Variants in MYT1 observed in about 807,000 individuals in gnomAD.
The protein encoded by MYT1 is myelin transcription factor I.
Under a neutral mutation model 123.0 loss-of-function variants are expected in MYT1, and 23 were observed. That is an observed-to-expected ratio of 0.19 (90% CI 0.13 to 0.26). The LOEUF (loss-of-function observed/expected upper bound fraction) is 0.26, where lower values mean the gene tolerates loss of function less well. Among genes scored for constraint, MYT1 ranks in the 10% least tolerant of loss-of-function variants. The pLI is 1.00. For synonymous variants in MYT1, 518 were observed against 575.3 expected, an observed-to-expected ratio of 0.90 and a Z score of 1.43; for missense variants, 1,125 against 1,472.5, an observed-to-expected ratio of 0.76 and a Z score of 3.86.
chr20:64,232,049 A>G lies in MYT1; in HGVS notation c.2676-115A>G. ...CTCAGCGGCCCTCCCTGCCTCACTC[A>G]GAAGCCCTTTAACGGCTCTGAGTTG... On this transcript the variant is annotated intron_variant, in intron 18 of 22. Coordinates refer to ENST00000328439, the MANE Select transcript of MYT1 (RefSeq NM_004535.3). This position sits in a 1 kb window ranked among gnomAD's most constrained non-coding sequence, Gnocchi z 6.9. 8 of 1,047,502 alleles carry G rather than the reference A, an allele frequency of 7.6e-6. No homozygotes were observed. Among genetic ancestry groups the G allele is most frequent in the Non-Finnish European group, 1.1e-5 (8 of 712,402 alleles). 64.9% of individuals were successfully genotyped at this position (1,047,502 alleles called of 1,614,324 possible).
At chr20:64,180,259 T>C (rs1982613546) in intron 1 of MYT1, among the ~76,000 whole-genome samples, 2 of 152,342 alleles carry the variant, frequency 1.3e-5, no homozygotes, top group South Asian at 4.1e-4. Context: ...CACCTAGGTC[T>C]GTATTTACTT....
At chr20:64,217,334 G>T (rs1983868134) in intron 11 of MYT1, 53 bp downstream of exon 11, 33 of 1,592,702 alleles carry the variant, frequency 2.1e-5, no homozygotes, top group Non-Finnish European at 2.7e-5. Flanking sequence ...CCTGGGAGGG[G>T]CAGGATTCAA....
At position 64,205,567 on chromosome 20, in the gene MYT1, C is replaced by G. The variant is rs1324322410; in HGVS notation, c.164C>G (p.Pro55Arg). 1.9e-6 allele frequency: 3 copies of G among 1,613,916 alleles called. No homozygotes were observed. Among genetic ancestry groups the G allele is most frequent in the Non-Finnish European group, 2.5e-6 (3 of 1,180,020 alleles). ...YSRHRSLQSC[P>R]LAKKRKLEGA... ...CTCCCTCCCAGTTTACAGAGCTGCC[C>G]CCTGGCCAAGAAGAGGAAGCTGGAG... Residue 55 changes from proline to arginine, a missense_variant, in exon 6 of 23, where the codon CCC becomes CGC. This residue lies in a region of MYT1 where 406 missense variants were observed against 432.2 expected (regional missense o/e 0.94). Transcript: ENST00000328439.
Position 64,208,352 on chromosome 20 carries a change from G to A in MYT1, c.1156G>A (p.Ala386Thr), listed in dbSNP as rs1224565423. ...CCTGGGCCTCCTGGAGCAGGCCATC[G>A]CCCTGAAGGCTGAACAGGTGCGCAC... Reference protein sequence around the residue: ...GNLGLLEQAIALKAEQVRTVC... With the variant: ...GNLGLLEQAITLKAEQVRTVC... Residue 386 changes from alanine (A) to threonine (T), a missense_variant, in exon 7 of 23, where the codon GCC (alanine) becomes ACC (threonine). By Grantham distance (58) the Ala-to-Thr change is moderately conservative. Coordinates refer to ENST00000328439, the MANE Select transcript of MYT1 (RefSeq NM_004535.3). This position sits in a 1 kb window ranked among gnomAD's most constrained non-coding sequence, Gnocchi z 5.4. 6 of 1,613,868 alleles carry A rather than the reference G, an allele frequency of 3.7e-6. No individual in the cohort carries two copies. Among genetic ancestry groups the A allele is most frequent in the South Asian group, 1.1e-5 (1 of 91,086 alleles).
chr20:64,223,019 G>T, intron 14 of MYT1, 92 bp from the exon 15 acceptor site: 2 of 1,450,302 alleles, frequency 1.4e-6, no homozygotes, highest in Non-Finnish European at 1.9e-6. Context: ...GGTGAGCCAG[G>T]AGTGGGCACC....
chr20:64,229,124 T>C (rs1024227203), intron 18 of MYT1, among the ~76,000 whole-genome samples: 1 of 152,268 alleles, frequency 6.6e-6, no homozygotes, highest in Non-Finnish European at 1.5e-5. Flanking sequence ...TGTAATAGGC[T>C]GTGGCTTGTT....
chr20:64,233,523 A>G (rs1480979056), intron 19 of MYT1, among the ~76,000 whole-genome samples: 3 of 105,082 alleles, frequency 2.9e-5, no homozygotes, highest in Non-Finnish European at 5.6e-5. Flanking sequence ...TCCTCCATCT[A>G]CAAGATTAAT....
intron 10 of MYT1, among the ~76,000 whole-genome samples, chr20:64,216,208 A>G (rs1287015571): frequency 1.3e-5 from 2 of 152,174 alleles, no homozygotes; most frequent in Non-Finnish European, 2.9e-5. Flanking sequence ...GACTGAAGTC[A>G]TTGCTTGGTC....
intron 10 of MYT1, 91 bp from the exon 11 acceptor site, chr20:64,216,976 C>A (rs376912880): frequency 1.7e-5 from 21 of 1,257,228 alleles, no homozygotes; most frequent in Non-Finnish European, 2.3e-5. Context: ...CTGTGAGGCC[C>A]CTGCCTGGGC....
At position 64,201,900 on chromosome 20, in the gene MYT1, T is replaced by TGTGTCGGGAACCCCCGC. The variant is rs1568708006; in HGVS notation, c.86+2008_86+2024dup. 9.9e-3 allele frequency among the ~76,000 whole-genome samples: 1,149 copies of TGTGTCGGGAACCCCCGC among 115,478 alleles called. 48 individuals carry two copies. The highest frequency in any genetic ancestry group is 0.019 in the Admixed American group (203 of 10,898). The allele number at this position is 115,478 out of a possible 152,430, so 75.8% of individuals were successfully genotyped here. A position where few individuals can be genotyped will look rare whatever the true frequency, so the allele number is the denominator to read the frequency against. ...CAGAGTCACCTGTCGGGAACCCCCG[T>TGTGTCGGGAACCCCCGC]GTGTCGGGAACCCCCGCGTGTCGGG... On this transcript the variant is annotated intron_variant, in intron 4 of 22. Transcript: ENST00000328439.
At chr20:64,223,732 G>A (rs935753246) in intron 16 of MYT1, among the ~76,000 whole-genome samples, 3 of 152,178 alleles carry the variant, frequency 2.0e-5, no homozygotes, top group African/African-American at 7.2e-5. Context: ...ACCGACCAGG[G>A]AACGTAAGCC....
At chr20:64,223,268 A>G in intron 15 of MYT1, 23 bp from the exon 16 acceptor site, 7 of 1,613,998 alleles carry the variant, frequency 4.3e-6, no homozygotes, top group Non-Finnish European at 5.1e-6. Context: ...GCTTACCCCA[A>G]TATCCCATCT....
Position 64,236,643 on chromosome 20 carries a change from G to C in MYT1, c.2986G>C (p.Asp996His). The change falls in exon 20 of 23, where the codon GAC (aspartate) becomes CAC (histidine). Residue 996 changes from aspartate to histidine, a missense_variant. This residue lies in a region of MYT1 where 243 missense variants were observed against 323.1 expected (regional missense o/e 0.75). Transcript: ENST00000328439. ...CCTCAGTCCAAAGTTCAAGACTAGC[G>C]ACGGTAAGGATGGCTTCCTGGATTT... is the stretch of plus-strand genomic sequence containing the variant. Reference protein sequence around the residue: ...EVLSPKFKTSDVLENDEEIKQ... With the variant: ...EVLSPKFKTSHVLENDEEIKQ... The C allele has an allele frequency of 1.2e-6, 2 of 1,613,320 alleles. No individual in the cohort carries two copies. Among genetic ancestry groups the C allele is most frequent in the Non-Finnish European group, 1.7e-6 (2 of 1,179,470 alleles).
chr20:64,188,620 T>A (rs892674451), intron 1 of MYT1, among the ~76,000 whole-genome samples: 2 of 152,190 alleles, frequency 1.3e-5, no homozygotes, highest in Non-Finnish European at 2.9e-5. Flanking sequence ...AATCTTCCAA[T>A]ATGCTTTTCC....
In MYT1 at chr20:64,166,283, G is replaced by C. The variant is rs1366505224; in HGVS notation, c.-99+1544G>C. On this transcript the variant is annotated intron_variant, in intron 1 of 22. Transcript: ENST00000328439. The surrounding 1 kb of genome is among the most constrained non-coding windows in gnomAD (Gnocchi z 4.9). ...TCCTTGTGCAGAGGAGGCTGGGTCA[G>C]GGCTTAGAGGGCAGTTTGTTTTCAA... Among the ~76,000 whole-genome samples the C allele has an allele frequency of 6.6e-6, 1 of 152,172 alleles. No homozygotes were observed. The highest frequency in any genetic ancestry group is 1.5e-5 in the Non-Finnish European group (1 of 68,012).
intron 8 of MYT1, 147 bp downstream of exon 8, chr20:64,211,487 C>T (rs1252307364): frequency 1.8e-5 from 15 of 847,606 alleles, no homozygotes; most frequent in East Asian, 8.4e-5. Flanking sequence ...TACATCTCCC[C>T]GCTTTCCCCC....
intron 1 of MYT1, among the ~76,000 whole-genome samples, chr20:64,171,297 A>G (rs953155437): frequency 5.9e-5 from 9 of 152,088 alleles, no homozygotes; most frequent in African/African-American, 1.9e-4. Context: ...TCCTGTAAGG[A>G]GTCTGCTTCC....
chr20:64,208,057 G>GGAGGAGGAAGAGGAA lies in MYT1; in HGVS notation c.869_870insAGAGGAAGAGGAGGA (p.Glu302_Glu306dup). The GGAGGAGGAAGAGGAA allele has an allele frequency of 1.3e-6, 2 of 1,580,980 alleles. No homozygotes were observed. The highest frequency in any genetic ancestry group is 1.1e-5 in the South Asian group (1 of 87,252). On this transcript the variant is annotated inframe_insertion, in exon 7 of 23. Coordinates refer to ENST00000328439, the MANE Select transcript of MYT1 (RefSeq NM_004535.3). This position sits in a 1 kb window ranked among gnomAD's most constrained non-coding sequence, Gnocchi z 5.4. The stretch of plus-strand genomic sequence containing the variant: ...AGGAAGAGGAGGAGGAAGAGGAAGA[G>GGAGGAGGAAGAGGAA]GAGGAGGAGGAAGAGGAAGAGGAGG...
intron 12 of MYT1, among the ~76,000 whole-genome samples, chr20:64,219,407 C>T (rs193151493): frequency 2.6e-5 from 4 of 152,346 alleles, no homozygotes; most frequent in African/African-American, 4.8e-5. Context: ...ACGTGTTTCC[C>T]GCAGTCTTGT....
Sources: allele counts gnomAD v4.1 joint callset (sites outside exome capture counted in the v4.1 genomes callset), GRCh38; gene constraint gnomAD v4.1.1; regional missense constraint gnomAD v4.1.1; non-coding constraint Gnocchi (gnomAD v3.1); transcripts MANE v1.5; gene names NCBI Gene and HGNC (gene_info 2026-07-23, HGNC 2026-07-21).